The following CARF variants were observed in gnomAD, a reference collection of about 807,000 sequenced individuals.
The protein encoded by CARF is calcium responsive transcription factor.
In CARF, 57 loss-of-function variants were observed where a neutral mutation model predicts 82.0. The observed-to-expected ratio is 0.70, with a 90% CI of 0.56 to 0.87. CARF has a LOEUF of 0.87. Among genes scored for constraint, CARF ranks in the 40% least tolerant of loss-of-function variants. The pLI is 0.00. For missense variants in CARF, 771 were observed against 855.8 expected (o/e 0.90, Z 1.24); for synonymous variants, 268 against 290.1 (o/e 0.92, Z 0.77).
In CARF at chr2:202,914,736, G is replaced by A. The variant is rs189514204; in HGVS notation, c.-330+1634G>A. Among the ~76,000 whole-genome samples, 32 of 136,954 alleles carry A rather than the reference G, an allele frequency of 2.3e-4. No individual in the cohort carries two copies. The East Asian group carries it at 5.6e-3, about 24-fold the overall frequency. The allele number at this position is 136,954 out of a possible 152,430, so 89.8% of individuals were successfully genotyped here. A position where few individuals can be genotyped will look rare whatever the true frequency, so the allele number is the denominator to read the frequency against. ...GGAGTTTGCAGTAAGCCAAGATCAC[G>A]CCACTTCACTCCAGCCTGGGCAAAA... On this transcript the variant is annotated intron_variant, in intron 1 of 16. Coordinates refer to ENST00000438828, the MANE Select transcript of CARF (RefSeq NM_024744.17).
chr2:202,982,727 G>C (rs1342053635), intron 16 of CARF, among the ~76,000 whole-genome samples: 1 of 151,904 alleles, frequency 6.6e-6, no homozygotes, highest in Non-Finnish European at 1.5e-5. Flanking sequence ...AACCAGGAAG[G>C]TCATTTTAGA....
At chr2:202,969,443 C>T (rs1394516314) in intron 10 of CARF, among the ~76,000 whole-genome samples, 1 of 152,018 alleles carries the variant, frequency 6.6e-6, no homozygotes, top group Non-Finnish European at 1.5e-5. Context: ...GGAGTGGTGG[C>T]ACATGCCTGT....
At chr2:202,967,211 G>A in intron 10 of CARF, 113 bp downstream of exon 10, 1 of 1,181,256 alleles carries the variant, frequency 8.5e-7, no homozygotes, top group East Asian at 2.7e-5. Flanking sequence ...TGAATTCTAA[G>A]TTTTCTCTTA....
Position 202,966,997 on chromosome 2 carries a change from G to C in CARF, c.852G>C (p.Met284Ile). ...FVNAGSRAVV[M>I]ECQYGPRRKG... ...CCACAGGGAGTAGAGCTGTGGTAAT[G>C]GAGTGTCAGTATGGGCCAAGAAGAA... The change falls in exon 10 of 17, where the codon ATG becomes ATC. Residue 284 changes from methionine (M) to isoleucine (I), a missense_variant. Physicochemically the swap from Met to Ile is conservative, Grantham distance 10. Transcript: ENST00000438828. 1 of 1,613,928 alleles carries C rather than the reference G, an allele frequency of 6.2e-7. No homozygotes were observed. The highest frequency in any genetic ancestry group is 8.5e-7 in the Non-Finnish European group (1 of 1,179,946).
At chr2:202,949,516 TTTATTATTATTATTATTA>T (rs201031888) in intron 5 of CARF, among the ~76,000 whole-genome samples, 16 of 91,656 alleles carry the variant, frequency 1.7e-4, no homozygotes, top group South Asian at 8.5e-4. Context: ...TTGTTATTTA[TTTATTATTATTATTATTA>T]TTATTATTAT....
At chr2:202,932,198 C>T (rs1021986065) in intron 3 of CARF, among the ~76,000 whole-genome samples, 1 of 152,194 alleles carries the variant, frequency 6.6e-6, no homozygotes, top group African/African-American at 2.4e-5. Context: ...ATGATCCAAT[C>T]ACCTCCCACC....
intron 6 of CARF, 126 bp from the exon 7 acceptor site, chr2:202,953,879 T>A (rs997078817): frequency 1.5e-6 from 1 of 662,902 alleles, no homozygotes; most frequent in African/African-American, 1.9e-5. Flanking sequence ...TAAAGCATTA[T>A]TCCTTTACTC....
At chr2:202,939,537 A>G (rs1051027477) in intron 3 of CARF, among the ~76,000 whole-genome samples, 1 of 151,172 alleles carries the variant, frequency 6.6e-6, no homozygotes, top group African/African-American at 2.4e-5. Context: ...TATACTTTCT[A>G]TTTTTCTTAT....
In CARF at chr2:202,981,491, A is replaced by T. The variant is rs2060261669; in HGVS notation, c.1559-64A>T. 7 of 1,162,092 alleles carry T rather than the reference A, an allele frequency of 6.0e-6. No homozygotes were observed. In the South Asian group the frequency reaches 8.3e-5, roughly 14 times the overall value. The allele number at this position is 1,162,092 out of a possible 1,614,324, so 72.0% of individuals were successfully genotyped here. A position where few individuals can be genotyped will look rare whatever the true frequency, so the allele number is the denominator to read the frequency against. On this transcript the variant is annotated intron_variant, in intron 14 of 16. Coordinates refer to ENST00000438828, the MANE Select transcript of CARF (RefSeq NM_024744.17). ...GTTCTGACAGAAAGGGTTGTAATAA[A>T]GTATTTTTATGACTTCATAGAAGCC...
Position 202,982,173 on chromosome 2 carries a change from A to G in CARF, c.1791A>G (p.Thr597=). Residue 597 remains threonine (T), a synonymous_variant, in exon 16 of 17, where the codon ACA becomes ACG. Transcript: ENST00000438828. ...PSSSPSGLLD[T]IGSAVMNNNS... is the part of the protein sequence containing the mutation. ...CTAGTCCTTCAGGACTTCTGGATAC[A>G]ATAGGAAGTGCTGTAATGAATAATA... 6.2e-7 allele frequency: 1 copy of G among 1,614,198 alleles called. No individual in the cohort carries two copies. Among genetic ancestry groups the G allele is most frequent in the Non-Finnish European group, 8.5e-7 (1 of 1,180,026 alleles).
intron 3 of CARF, among the ~76,000 whole-genome samples, chr2:202,932,289 C>G (rs1693079993): frequency 1.3e-5 from 2 of 148,990 alleles, no homozygotes; most frequent in African/African-American, 4.9e-5. Flanking sequence ...ATCAGAGTCT[C>G]ACAAACCTGT....
chr2:202,930,110 C>G (rs1247725832), intron 3 of CARF, among the ~76,000 whole-genome samples: 2 of 151,816 alleles, frequency 1.3e-5, no homozygotes, highest in Non-Finnish European at 2.9e-5. Flanking sequence ...TGCAGTGGCT[C>G]GATCTCGGCT....
chr2:202,981,568 A>T lies in CARF; in HGVS notation c.1572A>T (p.Gly524=). 1 of 1,598,096 alleles carries T rather than the reference A, an allele frequency of 6.3e-7. No homozygotes were observed. The highest frequency in any genetic ancestry group is 2.2e-5 in the East Asian group (1 of 44,648). Residue 524 remains glycine (G), a synonymous_variant, in exon 15 of 17, where the codon GGA becomes GGT. Transcript: ENST00000438828. The part of the protein sequence containing the change: ...TVTFAEGNSP[G]ESITTKVETN... ...AATATAATTTAGGAAATTCACCAGGAGAATCAATTACCACCAAAGTGGAAA... is the reference window on the plus strand; with the variant it reads ...AATATAATTTAGGAAATTCACCAGGTGAATCAATTACCACCAAAGTGGAAA...
chr2:202,918,345 C>G (rs1559179260), intron 2 of CARF, among the ~76,000 whole-genome samples: 1 of 151,980 alleles, frequency 6.6e-6, no homozygotes, highest in Non-Finnish European at 1.5e-5. Context: ...ACGGTGAAAC[C>G]CCGTCTCTAC....
intron 1 of CARF, among the ~76,000 whole-genome samples, chr2:202,914,645 G>T (rs1454078551): frequency 1.3e-5 from 2 of 151,880 alleles, no homozygotes; most frequent in African/African-American, 2.4e-5. Flanking sequence ...CAGGCATGGT[G>T]GGGGGTGCCT....
intron 3 of CARF, among the ~76,000 whole-genome samples, chr2:202,926,509 A>G (rs1221700571): frequency 6.6e-6 from 1 of 152,148 alleles, no homozygotes; most frequent in Non-Finnish European, 1.5e-5. Flanking sequence ...ATATCTTTGT[A>G]TTAAGTCTAA....
At chr2:202,935,440 T>C (rs1207868756) in intron 3 of CARF, among the ~76,000 whole-genome samples, 1 of 151,566 alleles carries the variant, frequency 6.6e-6, no homozygotes, top group Non-Finnish European at 1.5e-5. Flanking sequence ...TCTCTGACTT[T>C]GGTATTTATT....
At position 202,923,711 on chromosome 2, in the gene CARF, C is replaced by T. The variant is rs1389447247; in HGVS notation, c.-162-586C>T. 3.3e-5 allele frequency among the ~76,000 whole-genome samples: 5 copies of T among 152,264 alleles called. No homozygotes were observed. The East Asian group carries it at 9.6e-4, about 29-fold the overall frequency. ...AACAAATCCGGAGGCATTACATTACCTGATTTCGAACTATACTATAAGGCT... is the reference window on the plus strand; with the variant it reads ...AACAAATCCGGAGGCATTACATTACTTGATTTCGAACTATACTATAAGGCT... On this transcript the variant is annotated intron_variant, in intron 2 of 16. Coordinates refer to ENST00000438828, the MANE Select transcript of CARF (RefSeq NM_024744.17).
At chr2:202,922,089 A>G (rs72936862) in intron 2 of CARF, among the ~76,000 whole-genome samples, 13,512 of 151,686 alleles carry the variant, frequency 0.089, 740 homozygotes, top group Non-Finnish European at 0.12. Flanking sequence ...TTGACTTCCC[A>G]AAGTGCTAAG....
Sources: gnomAD v4.1 joint callset for allele counts (sites outside exome capture counted in the v4.1 genomes callset) on GRCh38, gnomAD v4.1.1 for gene constraint, MANE v1.5 for transcripts, NCBI Gene and HGNC (gene_info 2026-07-23, HGNC 2026-07-21) for gene names.